LRBA: variants seen among roughly 807,000 people sequenced by gnomAD.
LRBA encodes the protein lipopolysaccharide-responsive and beige-like anchor protein.
A neutral mutation model predicts 330.0 loss-of-function variants in LRBA; 176 were observed. The observed-to-expected ratio is 0.53, with a 90% CI of 0.47 to 0.60. LRBA has a LOEUF of 0.60. LRBA is among the 20% of genes least tolerant of loss of function. LRBA has a pLI of 0.00. For synonymous variants in LRBA, 1,230 were observed against 1,193.0 expected, an observed-to-expected ratio of 1.03 and a Z score of -0.64; for missense variants, 3,259 against 3,444.8, an observed-to-expected ratio of 0.95 and a Z score of 1.35.
At chr4:150,784,979 G>A (rs1228371024) in intron 34 of LRBA, among the ~76,000 whole-genome samples, 1 of 152,174 alleles carries the variant, frequency 6.6e-6, no homozygotes, top group Non-Finnish European at 1.5e-5. Flanking sequence ...CCGCTGCCTA[G>A]ACAGAGCCGA....
intron 36 of LRBA, among the ~76,000 whole-genome samples, chr4:150,695,726 T>C (rs1051233421): frequency 1.4e-4 from 22 of 152,140 alleles, no homozygotes; most frequent in Non-Finnish European, 1.3e-4. Context: ...CACAGAGAGG[T>C]AAAATTAAGA....
chr4:150,426,035 A>G (rs548624409), intron 46 of LRBA, among the ~76,000 whole-genome samples: 1 of 152,164 alleles, frequency 6.6e-6, no homozygotes, highest in South Asian at 2.1e-4. Flanking sequence ...TATAATGTGC[A>G]TGTTTTGATA....
At chr4:150,828,657 C>T (rs1560877752) in intron 29 of LRBA, 36 bp from the exon 30 acceptor site, 1 of 1,542,332 alleles carries the variant, frequency 6.5e-7, no homozygotes, top group Non-Finnish European at 8.8e-7. Context: ...AATAAACAAA[C>T]AAAAGTTTAG....
intron 40 of LRBA, among the ~76,000 whole-genome samples, chr4:150,528,672 T>G (rs537350263): frequency 1.4e-3 from 219 of 152,236 alleles, no homozygotes; most frequent in African/African-American, 5.2e-3. Context: ...GGTAGAGGAT[T>G]GATTTTAGGT....
chr4:150,577,003 C>T (rs1395211279), intron 40 of LRBA, among the ~76,000 whole-genome samples: 2 of 151,896 alleles, frequency 1.3e-5, no homozygotes, highest in African/African-American at 2.4e-5. Flanking sequence ...CATGCTTGAC[C>T]ATATAAAATT....
chr4:150,317,632 A>G (rs1406774022), intron 50 of LRBA, among the ~76,000 whole-genome samples: 1 of 152,178 alleles, frequency 6.6e-6, no homozygotes, highest in Non-Finnish European at 1.5e-5. Context: ...ACTTACTTCC[A>G]GCAATACCAG....
intron 48 of LRBA, among the ~76,000 whole-genome samples, chr4:150,334,577 C>A (rs1333983615): frequency 6.6e-6 from 1 of 151,882 alleles, no homozygotes; most frequent in Non-Finnish European, 1.5e-5. Flanking sequence ...CACTTGCATG[C>A]AAAATCTGGG....
chr4:150,948,992 G>A (rs1310401839), intron 2 of LRBA, among the ~76,000 whole-genome samples: 1 of 151,580 alleles, frequency 6.6e-6, no homozygotes, highest in East Asian at 1.9e-4. Flanking sequence ...TGGTGGGAAT[G>A]TAAAATGACA....
At chr4:150,767,969 C>T (rs1238031233) in intron 34 of LRBA, among the ~76,000 whole-genome samples, 1 of 143,742 alleles carries the variant, frequency 7.0e-6, no homozygotes, top group Non-Finnish European at 1.5e-5. Flanking sequence ...GAGGCTGAGG[C>T]AGAAGAATCA....
intron 36 of LRBA, among the ~76,000 whole-genome samples, chr4:150,699,062 G>A (rs1332737952): frequency 2.6e-5 from 4 of 152,138 alleles, no homozygotes; most frequent in Non-Finnish European, 5.9e-5. Context: ...TGGTGCCGTT[G>A]TCACTCAACC....
At chr4:150,862,272 G>A (rs1052377163) in intron 22 of LRBA, among the ~76,000 whole-genome samples, 16 of 152,160 alleles carry the variant, frequency 1.1e-4, no homozygotes, top group African/African-American at 3.6e-4. Flanking sequence ...AACACTTGCA[G>A]CCAACCCAAA....
At position 150,282,371 on chromosome 4, in the gene LRBA, T is replaced by C. The variant is rs542150271; in HGVS notation, c.8316+79A>G. On this transcript the variant is annotated intron_variant, in intron 55 of 56. Transcript: ENST00000651943. ...CGGCAATCCAAAAATAGAGGTTTCT[T>C]TCGCGAACCCTCTCCCTCCCCACTT... is the stretch of plus-strand genomic sequence containing the variant. The C allele has an allele frequency of 3.0e-6, 4 of 1,321,324 alleles. No homozygotes were observed. In the East Asian group the frequency reaches 9.2e-5, roughly 30 times the overall value. 81.8% of individuals were successfully genotyped at this position (1,321,324 alleles called of 1,614,324 possible).
At chr4:150,733,719 C>T (rs1278657863) in intron 36 of LRBA, among the ~76,000 whole-genome samples, 3 of 151,968 alleles carry the variant, frequency 2.0e-5, no homozygotes, top group South Asian at 4.1e-4. Context: ...CAGAATTTGG[C>T]CCAAAACATT....
chr4:150,644,561 A>G (rs757118932), intron 37 of LRBA, among the ~76,000 whole-genome samples: 1 of 151,928 alleles, frequency 6.6e-6, no homozygotes, highest in Non-Finnish European at 1.5e-5. Context: ...ATTGAAGCAA[A>G]ATCAATAGAC....
chr4:150,483,483 T>C lies in LRBA; in HGVS notation c.6551+4249A>G, dbSNP rs527249154. Among the ~76,000 whole-genome samples the C allele has an allele frequency of 2.5e-3, 96 of 38,958 alleles. 2 individuals are homozygous for C. Among genetic ancestry groups the C allele is most frequent in the African/African-American group, 3.6e-3 (89 of 24,714 alleles). 25.6% of individuals were successfully genotyped at this position (38,958 alleles called of 152,430 possible). Reference sequence around the variant, plus strand: ...TTAAATTTTAGAATCAGCTTGTCTATTTCTCTTTTTTCCTTTTTTTAAGTT... The same window carrying C: ...TTAAATTTTAGAATCAGCTTGTCTACTTCTCTTTTTTCCTTTTTTTAAGTT... On this transcript the variant is annotated intron_variant, in intron 42 of 56. Transcript: ENST00000651943.
chr4:150,879,836 C>T (rs1222073772), intron 17 of LRBA, among the ~76,000 whole-genome samples: 1 of 152,136 alleles, frequency 6.6e-6, no homozygotes, highest in Non-Finnish European at 1.5e-5. Context: ...TCCACAGATT[C>T]CATACTATTC....
chr4:150,865,478 TG>T (rs1279437604), intron 22 of LRBA, among the ~76,000 whole-genome samples: 1 of 152,248 alleles, frequency 6.6e-6, no homozygotes, highest in Non-Finnish European at 1.5e-5. Flanking sequence ...AGCTGAATTC[TG>T]TTTTAAACAA....
intron 2 of LRBA, among the ~76,000 whole-genome samples, chr4:150,930,441 C>A (rs1311875819): frequency 6.6e-6 from 1 of 151,876 alleles, no homozygotes; most frequent in Admixed American, 6.6e-5. Flanking sequence ...TGCAATGAGT[C>A]AAGATCATGC....
intron 47 of LRBA, among the ~76,000 whole-genome samples, chr4:150,387,040 G>A (rs995587213): frequency 2.0e-5 from 3 of 151,900 alleles, no homozygotes; most frequent in African/African-American, 7.2e-5. Context: ...TTTTTCACAA[G>A]CTTTTTGGCC....
Sources: gnomAD v4.1 joint callset for allele counts (sites outside exome capture counted in the v4.1 genomes callset) on GRCh38, gnomAD v4.1.1 for gene constraint, MANE v1.5 for transcripts, NCBI Gene and HGNC (gene_info 2026-07-23, HGNC 2026-07-21) for gene names.